Variants in TNFSF4 observed in about 807,000 individuals in gnomAD.
TNFSF4 encodes TNF superfamily member 4, also known as tumor necrosis factor ligand superfamily member 4.
Under a neutral mutation model 7.3 loss-of-function variants are expected in TNFSF4, and 4 were observed. That is an observed-to-expected ratio of 0.55 (90% CI 0.27 to 1.25). The LOEUF is 1.25. TNFSF4 is among the 50% of genes most tolerant of loss of function. TNFSF4 has a pLI of 0.12. For missense variants in TNFSF4, 181 were observed against 208.8 expected (o/e 0.87, Z 0.82); for synonymous variants, 76 against 83.7 (o/e 0.91, Z 0.50).
chr1:173,268,076 G>A, the TNFSF4 span, among the ~76,000 whole-genome samples: 7 of 152,052 alleles, frequency 4.6e-5, no homozygotes, highest in African/African-American at 1.7e-4. Context: ...ATCTTTCAAG[G>A]ACAAAGGAGA....
the TNFSF4 span, among the ~76,000 whole-genome samples, chr1:173,415,257 C>T: frequency 3.9e-5 from 6 of 152,344 alleles, no homozygotes; most frequent in African/African-American, 1.4e-4. Context: ...TTTCTCCTTA[C>T]ATATCTCCCC....
the TNFSF4 span, among the ~76,000 whole-genome samples, chr1:173,334,890 T>G: frequency 9.5e-4 from 145 of 152,094 alleles, no homozygotes; most frequent in Non-Finnish European, 1.4e-3. Flanking sequence ...AGCAGGCCCC[T>G]AAAGGTGAAG....
At chr1:173,340,434 G>A in the TNFSF4 span, among the ~76,000 whole-genome samples, 21 of 151,584 alleles carry the variant, frequency 1.4e-4, 1 homozygote, top group African/African-American at 4.6e-4. Flanking sequence ...AAATTGTATA[G>A]CAGGAGCAAA....
the TNFSF4 span, among the ~76,000 whole-genome samples, chr1:173,431,759 G>A: frequency 3.3e-4 from 50 of 152,358 alleles, no homozygotes; most frequent in Middle Eastern, 3.4e-3. Flanking sequence ...CAACCTGATG[G>A]TGATGTGTAA....
chr1:173,391,398 G>A, the TNFSF4 span, among the ~76,000 whole-genome samples: 12 of 126,792 alleles, frequency 9.5e-5, no homozygotes, highest in African/African-American at 3.6e-4. Flanking sequence ...TCATATGTAT[G>A]GCTTTCCCAT....
chr1:173,395,497 C>G, the TNFSF4 span, among the ~76,000 whole-genome samples: 1 of 143,462 alleles, frequency 7.0e-6, no homozygotes, highest in Non-Finnish European at 1.5e-5. Context: ...TATTGCTGAC[C>G]AAAATGGTGT....
the TNFSF4 span, among the ~76,000 whole-genome samples, chr1:173,284,943 G>A: frequency 6.6e-6 from 1 of 152,162 alleles, no homozygotes; most frequent in Non-Finnish European, 1.5e-5. Context: ...ATGGATCAAG[G>A]AGTAATTTTG....
At chr1:173,296,380 G>A in the TNFSF4 span, among the ~76,000 whole-genome samples, 1 of 151,850 alleles carries the variant, frequency 6.6e-6, no homozygotes, top group African/African-American at 2.4e-5. Context: ...AGCCAAAGAG[G>A]AAGAAAAAAG....
chr1:173,221,319 GTTGGCT>G, the TNFSF4 span, among the ~76,000 whole-genome samples: 1 of 152,186 alleles, frequency 6.6e-6, no homozygotes, highest in Non-Finnish European at 1.5e-5. Context: ...TTAAAAGCCA[GTTGGCT>G]TTTGCGTGGC....
At chr1:173,295,657 G>A in the TNFSF4 span, among the ~76,000 whole-genome samples, 5 of 151,974 alleles carry the variant, frequency 3.3e-5, no homozygotes, top group Admixed American at 6.6e-5. Context: ...TAAACAAGAT[G>A]AATTTTTTCC....
chr1:173,371,113 C>T, the TNFSF4 span, among the ~76,000 whole-genome samples: 2 of 152,172 alleles, frequency 1.3e-5, no homozygotes, highest in African/African-American at 2.4e-5. Context: ...GCCCCAGGTA[C>T]GTTTGACCAT....
chr1:173,232,602 G>A, the TNFSF4 span, among the ~76,000 whole-genome samples: 2,263 of 152,180 alleles, frequency 0.015, 44 homozygotes, highest in African/African-American at 0.052. Flanking sequence ...ATTGGCTGTG[G>A]GTTTGCCATA....
At chr1:173,429,614 G>A in the TNFSF4 span, among the ~76,000 whole-genome samples, 1 of 152,240 alleles carries the variant, frequency 6.6e-6, no homozygotes. Flanking sequence ...TCCACCAGCT[G>A]TGGGAAAAGA....
At chr1:173,196,335 T>C (rs1649696664) in intron 1 of TNFSF4, among the ~76,000 whole-genome samples, 1 of 152,222 alleles carries the variant, frequency 6.6e-6, no homozygotes, top group South Asian at 2.1e-4. Flanking sequence ...TTATTGGGAC[T>C]TAATGAACAC....
the TNFSF4 span, among the ~76,000 whole-genome samples, chr1:173,442,519 T>C: frequency 6.6e-6 from 1 of 151,526 alleles, no homozygotes; most frequent in Non-Finnish European, 1.5e-5. Context: ...GTTTGTTTGG[T>C]TTTCGGTTTT....
At chr1:173,287,709 C>A in the TNFSF4 span, among the ~76,000 whole-genome samples, 1 of 152,098 alleles carries the variant, frequency 6.6e-6, no homozygotes. Context: ...AAAATTCACA[C>A]AATGGAATTC....
the TNFSF4 span, among the ~76,000 whole-genome samples, chr1:173,173,889 C>T: frequency 4.5e-4 from 68 of 152,336 alleles, 1 homozygote; most frequent in Admixed American, 1.5e-3. Flanking sequence ...GCCCTGGAGA[C>T]ATTTTCTCCA....
At chr1:173,358,827 C>T in the TNFSF4 span, among the ~76,000 whole-genome samples, 1 of 152,148 alleles carries the variant, frequency 6.6e-6, no homozygotes, top group African/African-American at 2.4e-5. Flanking sequence ...TTGTGTCATT[C>T]CTGTTATACA....
At chr1:173,218,171 T>C in the TNFSF4 span, among the ~76,000 whole-genome samples, 3 of 152,170 alleles carry the variant, frequency 2.0e-5, no homozygotes, top group South Asian at 4.1e-4. Context: ...TTTCTAGGAA[T>C]ACCAGGGAGC....
Sources: allele counts gnomAD v4.1 joint callset (sites outside exome capture counted in the v4.1 genomes callset), GRCh38; gene constraint gnomAD v4.1.1; transcripts MANE v1.5; gene names NCBI Gene and HGNC (gene_info 2026-07-23, HGNC 2026-07-21).